The following BHMT2 variants were observed in gnomAD, a reference collection of about 807,000 sequenced individuals.
The protein encoded by BHMT2 is S-methylmethionine--homocysteine S-methyltransferase BHMT2.
Under a neutral mutation model 39.0 loss-of-function variants are expected in BHMT2, and 28 were observed. The observed-to-expected ratio is 0.72, with a 90% CI of 0.53 to 0.98. The LOEUF (loss-of-function observed/expected upper bound fraction) is 0.98. BHMT2 is among the 50% of genes least tolerant of loss of function. BHMT2 has a pLI of 0.00. For missense variants in BHMT2, 410 were observed against 455.6 expected (o/e 0.90, Z 0.91); for synonymous variants, 145 against 160.6 (o/e 0.90, Z 0.74).
At chr5:79,086,161 G>C (rs910822677) in intron 7 of BHMT2, among the ~76,000 whole-genome samples, 2 of 152,208 alleles carry the variant, frequency 1.3e-5, no homozygotes, top group African/African-American at 4.8e-5. Context: ...TGGGGGTCCT[G>C]TTGTCCTCCC....
chr5:79,081,180 G>A (rs1438267027), intron 4 of BHMT2, among the ~76,000 whole-genome samples: 2 of 152,188 alleles, frequency 1.3e-5, no homozygotes, highest in Non-Finnish European at 2.9e-5. Flanking sequence ...ATAGGGCACA[G>A]TGCCTCCGGG....
chr5:79,070,733 T>C lies in BHMT2; in HGVS notation c.33+918T>C, dbSNP rs1213037264. ...TCTAAATAAATTAAGGTTCATCTACTTAAGTTATTAGACAGTTAAATAACT... is the reference window on the plus strand; with the variant it reads ...TCTAAATAAATTAAGGTTCATCTACCTAAGTTATTAGACAGTTAAATAACT... On this transcript the variant is annotated intron_variant, in intron 1 of 7. Transcript: ENST00000255192. Among the ~76,000 whole-genome samples the C allele has an allele frequency of 7.2e-5, 11 of 152,206 alleles. No individual in the cohort carries two copies. In the East Asian group the frequency reaches 1.9e-3, roughly 27 times the overall value.
At chr5:79,076,320 T>G (rs1476015070) in intron 1 of BHMT2, among the ~76,000 whole-genome samples, 1 of 152,142 alleles carries the variant, frequency 6.6e-6, no homozygotes, top group Non-Finnish European at 1.5e-5. Context: ...AACGTCCAGC[T>G]GCTTGTGTTT....
At chr5:79,087,210 A>T (rs1329258686) in intron 7 of BHMT2, among the ~76,000 whole-genome samples, 1 of 151,692 alleles carries the variant, frequency 6.6e-6, no homozygotes, top group Non-Finnish European at 1.5e-5. Context: ...TGAACTGGAA[A>T]AATTTGCCTA....
rs1485290385 is a variant in BHMT2 at position 79,069,794 on chromosome 5, T to C, written c.12T>C (p.Ala4=). The change falls in exon 1 of 8, where the codon GCT becomes GCC. Residue 4 remains alanine (A), a synonymous_variant. Coordinates refer to ENST00000255192, the MANE Select transcript of BHMT2 (RefSeq NM_017614.5). The stretch of plus-strand genomic sequence containing the variant: ...AGAGCCGCGGCACCATGGCACCTGC[T>C]GGACGCCCGGGGGCCAAGAAGGTGA... MAP[A]GRPGAKKGIL... The C allele has an allele frequency of 4.2e-6, 6 of 1,436,448 alleles. No homozygotes were observed. In the African/African-American group the frequency reaches 4.4e-5, roughly 11 times the overall value. The allele number at this position is 1,436,448 out of a possible 1,614,324, so 89.0% of individuals were successfully genotyped here.
intron 5 of BHMT2, 102 bp downstream of exon 5, chr5:79,083,058 A>G: frequency 6.3e-7 from 1 of 1,575,652 alleles, no homozygotes; most frequent in Non-Finnish European, 8.7e-7. Flanking sequence ...AGAAGAATGA[A>G]CTCCAATCAG....
At chr5:79,088,358 C>CTGTGTG (rs202040828) in intron 7 of BHMT2, 135 bp from the exon 8 acceptor site, 32,694 of 303,572 alleles carry the variant, frequency 0.11, 1,505 homozygotes, top group Non-Finnish European at 0.11. Flanking sequence ...CAAGTTTTGA[C>CTGTGTG]TGTGTGTGTG....
intron 1 of BHMT2, among the ~76,000 whole-genome samples, chr5:79,070,732 CTTAAG>C (rs1354785239): frequency 6.6e-6 from 1 of 152,190 alleles, no homozygotes; most frequent in Non-Finnish European, 1.5e-5. Flanking sequence ...GGTTCATCTA[CTTAAG>C]TTATTAGACA....
chr5:79,081,642 A>T (rs769112961), intron 4 of BHMT2, among the ~76,000 whole-genome samples: 2 of 152,134 alleles, frequency 1.3e-5, no homozygotes, highest in Non-Finnish European at 2.9e-5. Flanking sequence ...GGTGGATGGC[A>T]TGAGGTCAGG....
chr5:79,070,445 C>A (rs886714945), intron 1 of BHMT2, among the ~76,000 whole-genome samples: 3 of 152,128 alleles, frequency 2.0e-5, no homozygotes, highest in African/African-American at 7.2e-5. Context: ...CTGGTCTGGT[C>A]ACCAGATGTT....
At chr5:79,082,583 A>G (rs1202916196) in intron 4 of BHMT2, 4 of 381,910 alleles carry the variant, frequency 1.0e-5, no homozygotes, top group African/African-American at 8.3e-5. Context: ...CACTGAATCA[A>G]TGAACCCTGA....
chr5:79,072,245 C>T (rs1207446604), intron 1 of BHMT2, among the ~76,000 whole-genome samples: 6 of 149,878 alleles, frequency 4.0e-5, no homozygotes, highest in African/African-American at 9.9e-5. Flanking sequence ...CCAGCCTGGG[C>T]GACAAGAGTG....
At chr5:79,072,780 G>A (rs1444170513) in intron 1 of BHMT2, among the ~76,000 whole-genome samples, 2 of 152,150 alleles carry the variant, frequency 1.3e-5, no homozygotes, top group African/African-American at 2.4e-5. Flanking sequence ...TCAGAGTAGG[G>A]CTGGAGAGAA....
chr5:79,087,014 G>GTGTGTATATA (rs1329456863), intron 7 of BHMT2, among the ~76,000 whole-genome samples: 1 of 118,324 alleles, frequency 8.5e-6, no homozygotes, highest in African/African-American at 3.2e-5. Flanking sequence ...GTGTGTGTGT[G>GTGTGTATATA]TATATATATA....
intron 1 of BHMT2, among the ~76,000 whole-genome samples, chr5:79,070,339 C>A (rs577859717): frequency 5.9e-5 from 9 of 152,140 alleles, no homozygotes; most frequent in Non-Finnish European, 8.8e-5. Context: ...GGCAAGGACG[C>A]CCCCAGAGCT....
chr5:79,076,066 TTGGATCACACA>T lies in BHMT2; in HGVS notation c.34-1410_34-1400del, dbSNP rs201997228. 8.7e-3 allele frequency among the ~76,000 whole-genome samples: 1,321 copies of T among 152,184 alleles called. 19 individuals carry two copies. Among genetic ancestry groups the T allele is most frequent in the African/African-American group, 0.031 (1,270 of 41,494 alleles). On this transcript the variant is annotated intron_variant, in intron 1 of 7. Transcript: ENST00000255192. ...GGTTCTTGCCAGTGTACTGGAAAAA[TTGGATCACACA>T]TGGGCTTGGAGAATGAGTGCAAGGT...
chr5:79,074,169 G>A (rs1267930310), intron 1 of BHMT2, among the ~76,000 whole-genome samples: 1 of 152,148 alleles, frequency 6.6e-6, no homozygotes, highest in African/African-American at 2.4e-5. Context: ...ATTTCTGGAA[G>A]CCCAGTGTAA....
chr5:79,085,545 G>A lies in BHMT2; in HGVS notation c.1010+1689G>A, dbSNP rs748471592. Among the ~76,000 whole-genome samples the A allele has an allele frequency of 4.5e-4, 69 of 152,306 alleles. 1 individual carries two copies. The highest frequency in any genetic ancestry group is 3.4e-3 in the Middle Eastern group (1 of 294). On this transcript the variant is annotated intron_variant, in intron 7 of 7. Transcript: ENST00000255192. ...AAAATACAAAAGTTAGCCTGGCGTGGTGGCGGGAGCCTATAATCCCAACTA... is the reference window on the plus strand; with the variant it reads ...AAAATACAAAAGTTAGCCTGGCGTGATGGCGGGAGCCTATAATCCCAACTA...
In BHMT2 at chr5:79,069,786, G is replaced by A. The variant is rs1186574873; in HGVS notation, c.4G>A (p.Ala2Thr). The A allele has an allele frequency of 2.8e-6, 4 of 1,433,948 alleles. No homozygotes were observed. Among genetic ancestry groups the A allele is most frequent in the Non-Finnish European group, 3.7e-6 (4 of 1,087,076 alleles). 88.8% of individuals were successfully genotyped at this position (1,433,948 alleles called of 1,614,324 possible). Residue 2 changes from alanine to threonine, a missense_variant, in exon 1 of 8, where the codon GCA becomes ACA. Coordinates refer to ENST00000255192, the MANE Select transcript of BHMT2 (RefSeq NM_017614.5). The stretch of plus-strand genomic sequence containing the variant: ...GCGCCCACAGAGCCGCGGCACCATG[G>A]CACCTGCTGGACGCCCGGGGGCCAA... M[A>T]PAGRPGAKKG...
Sources: gnomAD v4.1 joint callset for allele counts (sites outside exome capture counted in the v4.1 genomes callset) on GRCh38, gnomAD v4.1.1 for gene constraint, MANE v1.5 for transcripts, NCBI Gene and HGNC (gene_info 2026-07-23, HGNC 2026-07-21) for gene names.